TMEM117: variants seen among roughly 807,000 people sequenced by gnomAD.
TMEM117 encodes transmembrane protein 117.
In TMEM117, 27 loss-of-function variants were observed where a neutral mutation model predicts 52.4. The ratio of observed to expected loss-of-function variants is 0.51; its 90% CI spans 0.38 to 0.71. TMEM117 has a LOEUF of 0.71. Among genes scored for constraint, TMEM117 ranks in the 30% least tolerant of loss-of-function variants. The pLI, the probability that TMEM117 is intolerant of heterozygous loss-of-function variation, is 0.00. For synonymous variants in TMEM117, 215 were observed against 206.3 expected, an observed-to-expected ratio of 1.04 and a Z score of -0.36; for missense variants, 556 against 630.5, an observed-to-expected ratio of 0.88 and a Z score of 1.26.
the TMEM117 span, among the ~76,000 whole-genome samples, chr12:43,813,233 T>TGTTTTTTTG: frequency 3.4e-5 from 3 of 89,070 alleles, no homozygotes; most frequent in African/African-American, 1.7e-4. Context: ...TTTCTCTTGT[T>TGTTTTTTTG]TTTTTTTTTT....
intron 6 of TMEM117, among the ~76,000 whole-genome samples, chr12:44,361,639 G>C (rs897800869): frequency 1.3e-5 from 2 of 152,132 alleles, no homozygotes; most frequent in Non-Finnish European, 2.9e-5. Flanking sequence ...TAAGGACTGA[G>C]AGAGACATAA....
chr12:44,055,173 C>T (rs1013680415), intron 3 of TMEM117, among the ~76,000 whole-genome samples: 6 of 151,828 alleles, frequency 4.0e-5, no homozygotes, highest in African/African-American at 1.5e-4. Context: ...TTTAAAAAAA[C>T]TCTGTAAAAC....
chr12:43,981,951 G>T (rs1945768065), intron 3 of TMEM117, among the ~76,000 whole-genome samples: 1 of 151,986 alleles, frequency 6.6e-6, no homozygotes, highest in Non-Finnish European at 1.5e-5. Context: ...GCACAGTAGG[G>T]TCATGATGGT....
At chr12:43,912,474 G>A (rs1218030098) in intron 2 of TMEM117, among the ~76,000 whole-genome samples, 2 of 143,998 alleles carry the variant, frequency 1.4e-5, no homozygotes, top group Non-Finnish European at 3.0e-5. Flanking sequence ...TTGTGCACAT[G>A]TACCCTAAAA....
the TMEM117 span, among the ~76,000 whole-genome samples, chr12:43,801,233 T>C: frequency 6.6e-6 from 1 of 152,148 alleles, no homozygotes; most frequent in Non-Finnish European, 1.5e-5. Context: ...ATTCACGGCT[T>C]ACCGATGGCA....
intron 6 of TMEM117, among the ~76,000 whole-genome samples, chr12:44,341,487 A>G (rs1160373348): frequency 6.6e-6 from 1 of 152,120 alleles, no homozygotes; most frequent in Non-Finnish European, 1.5e-5. Context: ...CTGTGTATAT[A>G]TGCTGCATTC....
At chr12:43,993,085 G>T (rs1945970067) in intron 3 of TMEM117, among the ~76,000 whole-genome samples, 1 of 152,200 alleles carries the variant, frequency 6.6e-6, no homozygotes, top group South Asian at 2.1e-4. Flanking sequence ...TGTAGGCAGA[G>T]AAAAGGTCAC....
intron 3 of TMEM117, among the ~76,000 whole-genome samples, chr12:44,121,415 C>T (rs966713537): frequency 1.4e-4 from 21 of 152,150 alleles, no homozygotes; most frequent in Non-Finnish European, 5.9e-5. Flanking sequence ...ATGCCAACCC[C>T]TCCTCTTATT....
chr12:43,818,533 C>T, the TMEM117 span, among the ~76,000 whole-genome samples: 4 of 151,968 alleles, frequency 2.6e-5, no homozygotes, highest in African/African-American at 4.8e-5. Flanking sequence ...CTCCGCCTCC[C>T]GGGTTCAAGC....
At chr12:43,869,801 C>T (rs923997098) in intron 2 of TMEM117, among the ~76,000 whole-genome samples, 8 of 152,074 alleles carry the variant, frequency 5.3e-5, no homozygotes, top group Non-Finnish European at 1.0e-4. Flanking sequence ...GCAGGATGTG[C>T]AGGTTGTTAC....
intron 4 of TMEM117, among the ~76,000 whole-genome samples, chr12:44,171,868 G>A (rs1010292256): frequency 6.6e-6 from 1 of 152,136 alleles, no homozygotes; most frequent in Non-Finnish European, 1.5e-5. Context: ...ATGAGAAGGA[G>A]CCAAGCAGAG....
At chr12:44,362,981 T>TA (rs1951742555) in intron 6 of TMEM117, among the ~76,000 whole-genome samples, 1 of 152,004 alleles carries the variant, frequency 6.6e-6, no homozygotes, top group African/African-American at 2.4e-5. Flanking sequence ...GCCTCCCGAG[T>TA]AGCTGGAACT....
chr12:44,289,638 C>T (rs374470738), intron 5 of TMEM117, among the ~76,000 whole-genome samples: 58 of 150,556 alleles, frequency 3.9e-4, no homozygotes, highest in African/African-American at 9.5e-4. Context: ...CTGCAACCTC[C>T]GCCTCTCAGG....
At chr12:44,093,267 C>A (rs1163946917) in intron 3 of TMEM117, among the ~76,000 whole-genome samples, 1 of 152,068 alleles carries the variant, frequency 6.6e-6, no homozygotes, top group Admixed American at 6.6e-5. Flanking sequence ...ATATTCACAG[C>A]TCCCCAGAGT....
chr12:44,076,518 C>G (rs1947385212), intron 3 of TMEM117, among the ~76,000 whole-genome samples: 1 of 152,118 alleles, frequency 6.6e-6, no homozygotes. Flanking sequence ...GTTTTCATAT[C>G]TTGCTCACAC....
At chr12:43,991,463 A>ATCTG (rs1398811639) in intron 3 of TMEM117, among the ~76,000 whole-genome samples, 12 of 151,666 alleles carry the variant, frequency 7.9e-5, no homozygotes, top group Admixed American at 5.3e-4. Context: ...CTATCTATCT[A>ATCTG]TCTATCTATC....
intron 4 of TMEM117, among the ~76,000 whole-genome samples, chr12:44,154,994 A>G (rs907455822): frequency 1.3e-5 from 2 of 152,112 alleles, no homozygotes; most frequent in African/African-American, 4.8e-5. Flanking sequence ...TGCAGAGCTT[A>G]TACAAATAAA....
intron 6 of TMEM117, among the ~76,000 whole-genome samples, chr12:44,330,891 AT>A (rs1200284993): frequency 6.6e-6 from 1 of 152,032 alleles, no homozygotes; most frequent in Non-Finnish European, 1.5e-5. Context: ...GGGTCTCACT[AT>A]TTTGTTATAT....
At chr12:44,051,857 A>C (rs1209347687) in intron 3 of TMEM117, among the ~76,000 whole-genome samples, 1 of 152,208 alleles carries the variant, frequency 6.6e-6, no homozygotes, top group Non-Finnish European at 1.5e-5. Flanking sequence ...TATGGGCTTA[A>C]CCATCATTAT....
Sources: allele counts gnomAD v4.1 joint callset (sites outside exome capture counted in the v4.1 genomes callset), GRCh38; gene constraint gnomAD v4.1.1; transcripts MANE v1.5; gene names NCBI Gene and HGNC (gene_info 2026-07-23, HGNC 2026-07-21).